The following KLF12 variants were observed in gnomAD, a reference collection of about 807,000 sequenced individuals.
KLF12 encodes the protein KLF transcription factor 12.
Under a neutral mutation model 37.8 loss-of-function variants are expected in KLF12, and 9 were observed. The observed-to-expected ratio is 0.24, with a 90% CI of 0.14 to 0.42. KLF12 has a LOEUF of 0.42. Ranked by LOEUF, KLF12 falls within the 10% of genes least tolerant of loss-of-function variation. The pLI is 1.00. For missense variants in KLF12, 411 were observed against 516.0 expected, an observed-to-expected ratio of 0.80 and a Z score of 1.97; for synonymous variants, 208 against 202.1, an observed-to-expected ratio of 1.03 and a Z score of -0.25.
chr13:73,995,142 C>T, intron 1 of KLF12, 89 bp from the exon 2 acceptor site: 1 of 790,744 alleles, frequency 1.3e-6, no homozygotes. Context: ...CATCTTAATT[C>T]TACAGTTCCT....
chr13:74,262,609 G>A, the KLF12 span, among the ~76,000 whole-genome samples: 13 of 152,188 alleles, frequency 8.5e-5, no homozygotes, highest in African/African-American at 3.1e-4. Flanking sequence ...CTGTTATGCT[G>A]TATTGTTTAG....
At chr13:73,713,013 T>A (rs1434630263) in intron 7 of KLF12, among the ~76,000 whole-genome samples, 1 of 152,166 alleles carries the variant, frequency 6.6e-6, no homozygotes, top group Non-Finnish European at 1.5e-5. Context: ...TACGCCTGTA[T>A]TAAGAGAAGT....
intron 3 of KLF12, among the ~76,000 whole-genome samples, chr13:73,906,744 C>T (rs2139122244): frequency 6.6e-6 from 1 of 152,260 alleles, no homozygotes. Context: ...TTGTGACCTG[C>T]CTGATCTTAG....
chr13:74,080,796 C>A (rs1402412149), intron 1 of KLF12, among the ~76,000 whole-genome samples: 1 of 152,172 alleles, frequency 6.6e-6, no homozygotes, highest in Admixed American at 6.5e-5. Context: ...TTTCTATAAG[C>A]AATGGAAATT....
intron 5 of KLF12, among the ~76,000 whole-genome samples, chr13:73,776,946 G>C (rs556208017): frequency 1.3e-5 from 2 of 152,164 alleles, no homozygotes; most frequent in South Asian, 4.2e-4. Flanking sequence ...CTTAAAAAAA[G>C]ACAACAGTCC....
At chr13:74,129,757 T>C (rs1878160185) in intron 1 of KLF12, among the ~76,000 whole-genome samples, 1 of 151,492 alleles carries the variant, frequency 6.6e-6, no homozygotes, top group Non-Finnish European at 1.5e-5. Context: ...TCCTGTAATC[T>C]ACTGCCGACC....
At chr13:73,863,863 T>A (rs1181693053) in intron 3 of KLF12, among the ~76,000 whole-genome samples, 3 of 152,140 alleles carry the variant, frequency 2.0e-5, no homozygotes, top group Non-Finnish European at 4.4e-5. Context: ...CACATTAATA[T>A]CTCTGCAGTA....
intron 3 of KLF12, among the ~76,000 whole-genome samples, chr13:73,910,276 T>C (rs982015640): frequency 1.3e-5 from 2 of 152,178 alleles, no homozygotes; most frequent in African/African-American, 4.8e-5. Flanking sequence ...AGTCACATCT[T>C]TGCCCTATTT....
chr13:74,044,106 T>C (rs1338914575), intron 1 of KLF12, among the ~76,000 whole-genome samples: 1 of 152,156 alleles, frequency 6.6e-6, no homozygotes, highest in Non-Finnish European at 1.5e-5. Flanking sequence ...GAATATAAAC[T>C]ACCTTGTAAA....
chr13:73,842,218 T>A (rs1220902690), intron 4 of KLF12, among the ~76,000 whole-genome samples: 2 of 152,074 alleles, frequency 1.3e-5, no homozygotes, highest in Non-Finnish European at 2.9e-5. Flanking sequence ...TCACAGTAAA[T>A]ACATGTCTTC....
chr13:73,717,404 G>T (rs1875896445), intron 6 of KLF12, among the ~76,000 whole-genome samples: 1 of 152,230 alleles, frequency 6.6e-6, no homozygotes, highest in South Asian at 2.1e-4. Flanking sequence ...CAGGAGTCCA[G>T]TGAATATTCA....
At chr13:74,096,992 T>C (rs1381155073) in intron 1 of KLF12, among the ~76,000 whole-genome samples, 1 of 152,128 alleles carries the variant, frequency 6.6e-6, no homozygotes, top group Non-Finnish European at 1.5e-5. Flanking sequence ...AATTCCAAAT[T>C]TTTTTCCCCT....
chr13:74,056,582 G>T (rs1026762322), intron 1 of KLF12, among the ~76,000 whole-genome samples: 2 of 152,154 alleles, frequency 1.3e-5, no homozygotes, highest in Non-Finnish European at 2.9e-5. Flanking sequence ...ACTTATCTAA[G>T]TATTTGCCAT....
chr13:73,867,729 AC>A (rs1886251288), intron 3 of KLF12, among the ~76,000 whole-genome samples: 1 of 152,194 alleles, frequency 6.6e-6, no homozygotes, highest in South Asian at 2.1e-4. Flanking sequence ...ACAGTGGGCT[AC>A]AAAGCAAGTC....
the KLF12 span, among the ~76,000 whole-genome samples, chr13:74,286,003 C>T: frequency 6.6e-6 from 1 of 152,130 alleles, no homozygotes; most frequent in African/African-American, 2.4e-5. Context: ...CACAAGAAAT[C>T]CTCCCATACA....
At chr13:73,952,897 G>C (rs542307931) in intron 2 of KLF12, among the ~76,000 whole-genome samples, 1 of 152,316 alleles carries the variant, frequency 6.6e-6, no homozygotes, top group East Asian at 1.9e-4. Context: ...CAGGACATGG[G>C]AAGAGGTGGT....
intron 2 of KLF12, among the ~76,000 whole-genome samples, chr13:73,956,656 C>T (rs1003410026): frequency 4.6e-5 from 7 of 152,142 alleles, no homozygotes; most frequent in African/African-American, 1.4e-4. Flanking sequence ...CATGCTGGGT[C>T]ACATCTGTAA....
At chr13:74,060,963 G>A (rs1463777500) in intron 1 of KLF12, among the ~76,000 whole-genome samples, 1 of 152,130 alleles carries the variant, frequency 6.6e-6, no homozygotes, top group Non-Finnish European at 1.5e-5. Context: ...CAAGGGTGAG[G>A]GGAATAGTAC....
At chr13:73,697,619 G>T (rs1206946722) in intron 7 of KLF12, among the ~76,000 whole-genome samples, 3 of 152,142 alleles carry the variant, frequency 2.0e-5, no homozygotes, top group Non-Finnish European at 2.9e-5. Context: ...TATGAGCATA[G>T]TTGAGCTTGA....
Sources: allele counts gnomAD v4.1 joint callset (sites outside exome capture counted in the v4.1 genomes callset), GRCh38; gene constraint gnomAD v4.1.1; transcripts MANE v1.5; gene names NCBI Gene and HGNC (gene_info 2026-07-23, HGNC 2026-07-21).